ABCB7: variants seen among roughly 807,000 people sequenced by gnomAD.
ABCB7 encodes the protein ATP binding cassette subfamily B member 7, also known as iron-sulfur clusters transporter ABCB7, mitochondrial.
Under a neutral mutation model 54.4 loss-of-function variants are expected in ABCB7, and 7 were observed. The ratio of observed to expected loss-of-function variants is 0.13; its 90% confidence interval spans 0.07 to 0.24. The LOEUF (loss-of-function observed/expected upper bound fraction) is 0.24. Ranked by LOEUF, ABCB7 falls within the 10% of genes least tolerant of loss-of-function variation. ABCB7 has a pLI of 1.00. For missense variants in ABCB7, 356 were observed against 570.4 expected (o/e 0.62, Z 3.83); for synonymous variants, 218 against 207.1 (o/e 1.05, Z -0.45).
chrX:75,103,710 G>C (rs1375971735), intron 3 of ABCB7, among the ~76,000 whole-genome samples: 1 of 109,572 alleles, frequency 9.1e-6, no homozygotes, highest in Non-Finnish European at 1.9e-5. Flanking sequence ...ATTTAATCCT[G>C]AGTAATTTTT....
intron 1 of ABCB7, among the ~76,000 whole-genome samples, chrX:75,137,054 G>C (rs188624548): frequency 8.9e-6 from 1 of 112,124 alleles, no homozygotes; most frequent in African/African-American, 3.2e-5. Flanking sequence ...ACACTAAAGA[G>C]CTGCTGTACA....
intron 15 of ABCB7, among the ~76,000 whole-genome samples, chrX:75,053,823 C>A (rs750261486): frequency 1.8e-5 from 2 of 111,405 alleles, no homozygotes; most frequent in Non-Finnish European, 3.8e-5. Context: ...ACCATAAACA[C>A]CATTTTATTT....
intron 1 of ABCB7, among the ~76,000 whole-genome samples, chrX:75,118,363 C>A (rs2081842370): frequency 9.1e-6 from 1 of 109,892 alleles, no homozygotes; most frequent in South Asian, 3.9e-4. Flanking sequence ...GAAATATCAG[C>A]CGGCTAAAGT....
intron 13 of ABCB7, 103 bp downstream of exon 13, chrX:75,064,967 C>T: frequency 2.1e-6 from 2 of 963,547 alleles, no homozygotes; most frequent in South Asian, 4.1e-5. Context: ...TCAACGAGCA[C>T]TACATTTGAA....
At chrX:75,076,480 A>G in intron 5 of ABCB7, 42 bp downstream of exon 5, 1 of 1,203,682 alleles carries the variant, frequency 8.3e-7, no homozygotes, top group Non-Finnish European at 1.1e-6. Flanking sequence ...ACCTCCTTGA[A>G]GAAAGTCAAC....
intron 13 of ABCB7, 81 bp downstream of exon 13, chrX:75,064,989 C>T: frequency 9.1e-7 from 1 of 1,097,538 alleles, no homozygotes; most frequent in Non-Finnish European, 1.2e-6. Context: ...TCTCTCATTA[C>T]ATTTTCTAAA....
At chrX:75,134,434 C>T (rs1392591719) in intron 1 of ABCB7, among the ~76,000 whole-genome samples, 1 of 111,689 alleles carries the variant, frequency 9.0e-6, no homozygotes, top group Non-Finnish European at 1.9e-5. Flanking sequence ...AGAATACTAA[C>T]GAAGATATTC....
chrX:75,078,579 T>C (rs1280015376), intron 4 of ABCB7, among the ~76,000 whole-genome samples: 2 of 111,017 alleles, frequency 1.8e-5, no homozygotes, highest in African/African-American at 6.6e-5. Flanking sequence ...TCAGGTATGG[T>C]GAAAGGTAGG....
intron 4 of ABCB7, among the ~76,000 whole-genome samples, chrX:75,077,064 T>G (rs1398541575): frequency 8.9e-6 from 1 of 111,988 alleles, no homozygotes; most frequent in Non-Finnish European, 1.9e-5. Context: ...TCATTTTACT[T>G]TTTGTCCCAC....
At chrX:75,114,441 T>C (rs1373743431) in intron 2 of ABCB7, among the ~76,000 whole-genome samples, 1 of 112,109 alleles carries the variant, frequency 8.9e-6, no homozygotes, top group Non-Finnish European at 1.9e-5. Flanking sequence ...CATAAAGCAT[T>C]TCACATATCA....
At chrX:75,084,592 A>G (rs1221656767) in intron 4 of ABCB7, among the ~76,000 whole-genome samples, 1 of 111,820 alleles carries the variant, frequency 8.9e-6, no homozygotes, top group Non-Finnish European at 1.9e-5. Flanking sequence ...AGACATGACA[A>G]CAAAAGCATA....
intron 15 of ABCB7, among the ~76,000 whole-genome samples, chrX:75,054,328 T>C (rs1441191215): frequency 8.9e-6 from 1 of 111,915 alleles, no homozygotes; most frequent in Non-Finnish European, 1.9e-5. Context: ...ATTCCTTGAT[T>C]TATTCATTTC....
At chrX:75,115,843 G>T (rs1486283670) in intron 1 of ABCB7, among the ~76,000 whole-genome samples, 7 of 108,883 alleles carry the variant, frequency 6.4e-5, no homozygotes, top group Non-Finnish European at 1.3e-4. Flanking sequence ...CTTCCCTTTG[G>T]AGTTCAGAAA....
intron 4 of ABCB7, among the ~76,000 whole-genome samples, chrX:75,089,748 A>G (rs946112706): frequency 4.5e-5 from 5 of 111,127 alleles, no homozygotes; most frequent in African/African-American, 1.6e-4. Flanking sequence ...TGAATAGTCT[A>G]CACCAATTAA....
At chrX:75,115,217 G>A (rs1194966209) in intron 1 of ABCB7, among the ~76,000 whole-genome samples, 1 of 83,997 alleles carries the variant, frequency 1.2e-5, no homozygotes, top group African/African-American at 4.8e-5. Context: ...GCAGTGAGCC[G>A]AGATCACGCC....
rs1476560128 is a variant in ABCB7, at chrX:75,069,075, G to C, written c.1591C>G (p.Leu531Val). ...FYEPQKGSIY[L>V]AGQNIQDVSL... Reference sequence around the variant, plus strand: ...ACATCTTGTATATTTTGACCAGCAAGATAAATGCTACCCTTTTGAGGCTCA... The same window carrying C: ...ACATCTTGTATATTTTGACCAGCAACATAAATGCTACCCTTTTGAGGCTCA... Residue 531 changes from leucine (L) to valine (V), a missense_variant, in exon 12 of 16, where the codon CTT (leucine) becomes GTT (valine). Transcript: ENST00000373394. 3 of 1,208,856 alleles carry C rather than the reference G, an allele frequency of 2.5e-6. No individual in the cohort carries two copies. Among genetic ancestry groups the C allele is most frequent in the Non-Finnish European group, 3.4e-6 (3 of 892,889 alleles).
At chrX:75,062,109 A>G (rs2081286314) in intron 14 of ABCB7, among the ~76,000 whole-genome samples, 1 of 112,573 alleles carries the variant, frequency 8.9e-6, no homozygotes, top group Admixed American at 9.4e-5. Context: ...AAGGAGACAC[A>G]TTTGCAAATG....
At chrX:75,154,888 CAAT>C (rs1408427702) in intron 1 of ABCB7, among the ~76,000 whole-genome samples, 3 of 111,714 alleles carry the variant, frequency 2.7e-5, no homozygotes, top group African/African-American at 9.7e-5. Context: ...TAGAGGTGTT[CAAT>C]AATTACTGAA....
At position 75,117,015 on chromosome X, in the gene ABCB7, T is replaced by C. The variant is rs185208406; in HGVS notation, c.169-2184A>G. 4.2e-4 allele frequency among the ~76,000 whole-genome samples: 47 copies of C among 111,603 alleles called. No homozygotes were observed. In the Admixed American group the frequency reaches 4.3e-3, roughly 10 times the overall value. Reference sequence around the variant, plus strand: ...AGGCAAGAATAATCCACCTTGATTATGTGCTTGCTTAGCACATAATCAAGA... The same window carrying C: ...AGGCAAGAATAATCCACCTTGATTACGTGCTTGCTTAGCACATAATCAAGA... On this transcript the variant is annotated intron_variant, in intron 1 of 15. Transcript: ENST00000373394.
Sources: allele counts gnomAD v4.1 joint callset (sites outside exome capture counted in the v4.1 genomes callset), GRCh38; gene constraint gnomAD v4.1.1; transcripts MANE v1.5; gene names NCBI Gene and HGNC (gene_info 2026-07-23, HGNC 2026-07-21).